Variants in ALG10B observed in about 807,000 individuals in gnomAD.
ALG10B encodes ALG10 alpha-1,2-glucosyltransferase B, also known as dol-P-Glc:Glc(2)Man(9)GlcNAc(2)-PP-Dol alpha-1,2-glucosyltransferase B.
ALG10B carries 27 observed loss-of-function variants against 38.7 expected under a neutral mutation model. That is an observed-to-expected ratio of 0.70 (90% CI 0.51 to 0.96). The LOEUF (loss-of-function observed/expected upper bound fraction) is 0.96, where lower values mean the gene tolerates loss of function less well. Among genes scored for constraint, ALG10B ranks in the 40% least tolerant of loss-of-function variants. The pLI is 0.00. For missense variants in ALG10B, 522 were observed against 542.7 expected, an observed-to-expected ratio of 0.96 and a Z score of 0.38; for synonymous variants, 177 against 193.3, an observed-to-expected ratio of 0.92 and a Z score of 0.70.
Position 38,321,929 on chromosome 12 carries a change from G to A in ALG10B, c.*716G>A, listed in dbSNP as rs535331173. 3.3e-5 allele frequency: 5 copies of A among 152,090 alleles called. No individual in the cohort carries two copies. Among genetic ancestry groups the A allele is most frequent in the Non-Finnish European group, 7.4e-5 (5 of 67,996 alleles). 9.4% of individuals were successfully genotyped at this position (152,090 alleles called of 1,614,324 possible). On this transcript the variant is annotated 3_prime_UTR_variant, in exon 3 of 3. Transcript: ENST00000308742. Reference sequence around the variant, plus strand: ...TGTTGATTATAATCCTTTAAAAGGGGGATTTCCTTTATGAAATACATATTG... The same window carrying A: ...TGTTGATTATAATCCTTTAAAAGGGAGATTTCCTTTATGAAATACATATTG...
rs1199239881 is a variant in ALG10B at position 38,329,632 on chromosome 12, C to G, written c.*8419C>G. ...ATTTGTGAGTTGATGTTATTTAAAACTGCTTTTCAGTCAACTTATTCTTTA... is the reference window on the plus strand; with the variant it reads ...ATTTGTGAGTTGATGTTATTTAAAAGTGCTTTTCAGTCAACTTATTCTTTA... On this transcript the variant is annotated 3_prime_UTR_variant, in exon 3 of 3. Coordinates refer to ENST00000308742, the MANE Select transcript of ALG10B (RefSeq NM_001013620.4). 1 of 160,860 alleles carries G rather than the reference C, an allele frequency of 6.2e-6. No homozygotes were observed. The highest frequency in any genetic ancestry group is 1.3e-5 in the Non-Finnish European group (1 of 74,278). 10.0% of individuals were successfully genotyped at this position (160,860 alleles called of 1,614,324 possible).
rs983274785 is a variant in ALG10B at position 38,324,939 on chromosome 12, G to A, written c.*3726G>A. The A allele has an allele frequency of 2.0e-5, 3 of 152,146 alleles. No individual in the cohort carries two copies. Among genetic ancestry groups the A allele is most frequent in the Non-Finnish European group, 4.4e-5 (3 of 68,006 alleles). 9.4% of individuals were successfully genotyped at this position (152,146 alleles called of 1,614,324 possible). A position where few individuals can be genotyped will look rare whatever the true frequency, so the allele number is the denominator to read the frequency against. On this transcript the variant is annotated 3_prime_UTR_variant, in exon 3 of 3. Coordinates refer to ENST00000308742, the MANE Select transcript of ALG10B (RefSeq NM_001013620.4). ...TACAGTTACCATTACTAAAGTCTGT[G>A]AGTATGTCTATTTTGAAAAGTGTCA... is the stretch of plus-strand genomic sequence containing the variant.
chr12:38,319,282 G>A (rs1945681599), intron 2 of ALG10B, among the ~76,000 whole-genome samples: 1 of 152,078 alleles, frequency 6.6e-6, no homozygotes, highest in African/African-American at 2.4e-5. Context: ...TGTAGGGTGA[G>A]GAATTAATCC....
upstream of ALG10B, chr12:38,316,690 G>T (rs1005239303): frequency 1.0e-5 from 8 of 781,900 alleles, no homozygotes; most frequent in African/African-American, 3.4e-5. Flanking sequence ...CATCCGGTCC[G>T]TTATCTAAAC....
chr12:38,321,056 A>C lies in ALG10B; in HGVS notation c.1265A>C (p.Tyr422Ser). ...GAATTTCGTTACTTCATTTTACCTTATGTCATTTATAGGCTTAACATAACT... is the reference window on the plus strand; with the variant it reads ...GAATTTCGTTACTTCATTTTACCTTCTGTCATTTATAGGCTTAACATAACT... ...LLEFRYFILP[Y>S]VIYRLNITLP... Residue 422 changes from tyrosine (Y) to serine (S), a missense_variant, in exon 3 of 3, where the codon TAT becomes TCT. Tyr to Ser is a moderately radical substitution (Grantham distance 144, BLOSUM62 -2). Coordinates refer to ENST00000308742, the MANE Select transcript of ALG10B (RefSeq NM_001013620.4). 6.2e-7 allele frequency: 1 copy of C among 1,613,700 alleles called. No individual in the cohort carries two copies. The highest frequency in any genetic ancestry group is 8.5e-7 in the Non-Finnish European group (1 of 1,179,804).
chr12:38,317,122 A>T lies in ALG10B; in HGVS notation c.171+58A>T, dbSNP rs1482055884. On this transcript the variant is annotated intron_variant, in intron 1 of 2. Coordinates refer to ENST00000308742, the MANE Select transcript of ALG10B (RefSeq NM_001013620.4). ...AGGCCTGAAAGGTCCCAGCGTCCCCAGCTCCTTCTCCCATCTTTAGACTTA... is the reference window on the plus strand; with the variant it reads ...AGGCCTGAAAGGTCCCAGCGTCCCCTGCTCCTTCTCCCATCTTTAGACTTA... 17 of 1,610,800 alleles carry T rather than the reference A, an allele frequency of 1.1e-5. No individual in the cohort carries two copies. The Admixed American group carries it at 2.5e-4, about 24-fold the overall frequency.
At position 38,324,188 on chromosome 12, in the gene ALG10B, A is replaced by C; in HGVS notation, c.*2975A>C. 3 of 392,034 alleles carry C rather than the reference A, an allele frequency of 7.7e-6. No homozygotes were observed. Among genetic ancestry groups the C allele is most frequent in the Non-Finnish European group, 9.2e-6 (2 of 218,552 alleles). 24.3% of individuals were successfully genotyped at this position (392,034 alleles called of 1,614,324 possible). ...GCTGAGATTATAGGCGCCCACCACC[A>C]AGCCTGGCTAATTTTTTCTATTTTT... On this transcript the variant is annotated 3_prime_UTR_variant, in exon 3 of 3. Coordinates refer to ENST00000308742, the MANE Select transcript of ALG10B (RefSeq NM_001013620.4).
In ALG10B at chr12:38,323,271, T is replaced by TA. The variant is rs1259467332; in HGVS notation, c.*2065dup. ...ACTAGTGTTTGATTCCATTATCTAT[T>TA]AAAAAAAGTCAGAATTGAAAGAAAG... On this transcript the variant is annotated 3_prime_UTR_variant, in exon 3 of 3. Transcript: ENST00000308742. The TA allele has an allele frequency of 1.3e-5, 2 of 152,284 alleles. No homozygotes were observed. The highest frequency in any genetic ancestry group is 6.5e-5 in the Admixed American group (1 of 15,290). 9.4% of individuals were successfully genotyped at this position (152,284 alleles called of 1,614,324 possible). A position where few individuals can be genotyped will look rare whatever the true frequency, so the allele number is the denominator to read the frequency against.
rs1945660972 is a variant in ALG10B at position 38,316,962 on chromosome 12, C to T, written c.69C>T (p.Leu23=). The change falls in exon 1 of 3, where the codon CTC becomes CTT. Residue 23 remains leucine (L), a synonymous_variant. Coordinates refer to ENST00000308742, the MANE Select transcript of ALG10B (RefSeq NM_001013620.4). ...LSCTFLVSCL[L]FSAFSRALRE... ...GTACCTTTTTAGTGTCCTGCCTCCT[C>T]TTCTCCGCCTTCAGCCGGGCGCTGC... is the stretch of plus-strand genomic sequence containing the variant. 4 of 1,614,184 alleles carry T rather than the reference C, an allele frequency of 2.5e-6. No individual in the cohort carries two copies. The highest frequency in any genetic ancestry group is 1.3e-5 in the African/African-American group (1 of 75,050).
intron 2 of ALG10B, 54 bp downstream of exon 2, chr12:38,318,512 C>A: frequency 2.0e-6 from 3 of 1,492,624 alleles, no homozygotes; most frequent in South Asian, 1.1e-5. Flanking sequence ...TCCACAATTA[C>A]AATGAATTAG....
At position 38,323,340 on chromosome 12, in the gene ALG10B, G is replaced by T. The variant is rs1386713943; in HGVS notation, c.*2127G>T. 6.6e-6 allele frequency: 1 copy of T among 152,396 alleles called. No individual in the cohort carries two copies. Among genetic ancestry groups the T allele is most frequent in the Non-Finnish European group, 1.5e-5 (1 of 68,206 alleles). 9.4% of individuals were successfully genotyped at this position (152,396 alleles called of 1,614,324 possible). A position where few individuals can be genotyped will look rare whatever the true frequency, so the allele number is the denominator to read the frequency against. Reference sequence around the variant, plus strand: ...TGACTTTGTAGATTAGGGAACAACTGCTGGGGTAGGATTATTTTGTGTTAC... The same window carrying T: ...TGACTTTGTAGATTAGGGAACAACTTCTGGGGTAGGATTATTTTGTGTTAC... On this transcript the variant is annotated 3_prime_UTR_variant, in exon 3 of 3. Transcript: ENST00000308742.
At position 38,326,687 on chromosome 12, in the gene ALG10B, C is replaced by T. The variant is rs910429487; in HGVS notation, c.*5474C>T. The T allele has an allele frequency of 1.3e-5, 2 of 151,774 alleles. No individual in the cohort carries two copies. The highest frequency in any genetic ancestry group is 4.8e-5 in the African/African-American group (2 of 41,328). The allele number at this position is 151,774 out of a possible 1,614,324, so 9.4% of individuals were successfully genotyped here. On this transcript the variant is annotated 3_prime_UTR_variant, in exon 3 of 3. Transcript: ENST00000308742. ...CTACATTTTACCACTCTAGGAATAGCTGTTAATTATTTTTTATATAGGGCA... is the reference window on the plus strand; with the variant it reads ...CTACATTTTACCACTCTAGGAATAGTTGTTAATTATTTTTTATATAGGGCA...
rs1050434653 is a variant in ALG10B at position 38,325,033 on chromosome 12, G to A, written c.*3820G>A. On this transcript the variant is annotated 3_prime_UTR_variant, in exon 3 of 3. Coordinates refer to ENST00000308742, the MANE Select transcript of ALG10B (RefSeq NM_001013620.4). ...TCATTTTGAACTGATTCTATCTTCT[G>A]TGAAATTCTAGAGATATGTTATCTT... 1.3e-5 allele frequency: 2 copies of A among 152,114 alleles called. No individual in the cohort carries two copies. Among genetic ancestry groups the A allele is most frequent in the African/African-American group, 4.8e-5 (2 of 41,440 alleles). 9.4% of individuals were successfully genotyped at this position (152,114 alleles called of 1,614,324 possible).
rs1945752704 is a variant in ALG10B at position 38,327,213 on chromosome 12, G to A, written c.*6000G>A. 1 of 150,928 alleles carries A rather than the reference G, an allele frequency of 6.6e-6. No individual in the cohort carries two copies. Among genetic ancestry groups the A allele is most frequent in the African/African-American group, 2.4e-5 (1 of 41,028 alleles). 9.3% of individuals were successfully genotyped at this position (150,928 alleles called of 1,614,324 possible). On this transcript the variant is annotated 3_prime_UTR_variant, in exon 3 of 3. Coordinates refer to ENST00000308742, the MANE Select transcript of ALG10B (RefSeq NM_001013620.4). ...TGCCTCAAGTGATCCTCCCACCTTG[G>A]CCTCCCAAAGTGCTAGGATTTACAA...
rs866860215 is a variant in ALG10B at position 38,327,345 on chromosome 12, T to C, written c.*6132T>C. 1 of 152,116 alleles carries C rather than the reference T, an allele frequency of 6.6e-6. No homozygotes were observed. Among genetic ancestry groups the C allele is most frequent in the South Asian group, 2.1e-4 (1 of 4,834 alleles). The allele number at this position is 152,116 out of a possible 1,614,324, so 9.4% of individuals were successfully genotyped here. A position where few individuals can be genotyped will look rare whatever the true frequency, so the allele number is the denominator to read the frequency against. ...ACCATATATGTGTGTGTATGGCATA[T>C]ATAAGATGAAAAAAGGAGAAAAAGT... On this transcript the variant is annotated 3_prime_UTR_variant, in exon 3 of 3. Coordinates refer to ENST00000308742, the MANE Select transcript of ALG10B (RefSeq NM_001013620.4).
chr12:38,317,038 T>A lies in ALG10B; in HGVS notation c.145T>A (p.Cys49Ser). ...CCACCTGCCTCAGGCGCAGCGCTACTGTGAGGGCCATTTCTCCCTTTCCCA... is the reference window on the plus strand; with the variant it reads ...CCACCTGCCTCAGGCGCAGCGCTACAGTGAGGGCCATTTCTCCCTTTCCCA... ...IFHLPQAQRY[C>S]EGHFSLSQWD... Residue 49 changes from cysteine to serine, a missense_variant, in exon 1 of 3, where the codon TGT becomes AGT. Transcript: ENST00000308742. 6.2e-7 allele frequency: 1 copy of A among 1,614,198 alleles called. No individual in the cohort carries two copies. The highest frequency in any genetic ancestry group is 8.5e-7 in the Non-Finnish European group (1 of 1,180,030).
Position 38,320,383 on chromosome 12 carries a change from G to A in ALG10B, c.592G>A (p.Gly198Arg), listed in dbSNP as rs140980509. 4.3e-3 allele frequency: 6,993 copies of A among 1,614,084 alleles called. 25 individuals carry two copies. The highest frequency in any genetic ancestry group is 8.8e-3 in the South Asian group (798 of 91,072). Residue 198 changes from glycine (G) to arginine (R), a missense_variant, in exon 3 of 3, where the codon GGG (glycine) becomes AGG (arginine). Transcript: ENST00000308742. ...TATCATCTGGGCTGTCTTCTGTGCA[G>A]GGAATGTCATTGCACAAAAGTTAAC... is the stretch of plus-strand genomic sequence containing the variant. ...TNIIWAVFCA[G>R]NVIAQKLTEA...
Position 38,320,923 on chromosome 12 carries a change from A to G in ALG10B, c.1132A>G (p.Ile378Val), listed in dbSNP as rs759172569. 5.1e-5 allele frequency: 83 copies of G among 1,613,684 alleles called. No homozygotes were observed. Among genetic ancestry groups the G allele is most frequent in the Non-Finnish European group, 6.6e-5 (78 of 1,179,886 alleles). The change falls in exon 3 of 3, where the codon ATA becomes GTA. Residue 378 changes from isoleucine to valine, a missense_variant. Physicochemically the swap from Ile to Val is conservative, Grantham distance 29 (BLOSUM62 3). Coordinates refer to ENST00000308742, the MANE Select transcript of ALG10B (RefSeq NM_001013620.4). Reference sequence around the variant, plus strand: ...GAAATATTTGTTAGTTCCAGCCTATATATTTGCTGGTTGGAGTATAGCTGA... The same window carrying G: ...GAAATATTTGTTAGTTCCAGCCTATGTATTTGCTGGTTGGAGTATAGCTGA... ...ILKYLLVPAY[I>V]FAGWSIADSL...
Position 38,321,494 on chromosome 12 carries a change from G to A in ALG10B, c.*281G>A, listed in dbSNP as rs1591938424. On this transcript the variant is annotated 3_prime_UTR_variant, in exon 3 of 3. Transcript: ENST00000308742. Reference sequence around the variant, plus strand: ...TAATGTTGGCCCCTCACAAAGCTTGGGAATGTTTTGTATGTATAAGTTTAT... The same window carrying A: ...TAATGTTGGCCCCTCACAAAGCTTGAGAATGTTTTGTATGTATAAGTTTAT... The A allele has an allele frequency of 8.0e-6, 2 of 248,670 alleles. No homozygotes were observed. The highest frequency in any genetic ancestry group is 1.6e-4 in the East Asian group (2 of 12,750). 15.4% of individuals were successfully genotyped at this position (248,670 alleles called of 1,614,324 possible). A position where few individuals can be genotyped will look rare whatever the true frequency, so the allele number is the denominator to read the frequency against.
Sources: gnomAD v4.1 joint callset for allele counts (sites outside exome capture counted in the v4.1 genomes callset) on GRCh38, gnomAD v4.1.1 for gene constraint, MANE v1.5 for transcripts, NCBI Gene and HGNC (gene_info 2026-07-23, HGNC 2026-07-21) for gene names.